The following PTPRU variants were observed in gnomAD, a reference collection of about 807,000 sequenced individuals.
PTPRU encodes the protein receptor-type tyrosine-protein phosphatase U.
PTPRU carries 69 observed loss-of-function variants against 166.3 expected under a neutral mutation model. That is an observed-to-expected ratio of 0.41 (90% confidence interval 0.34 to 0.51). The LOEUF is 0.51. Ranked by LOEUF, PTPRU falls within the 20% of genes least tolerant of loss-of-function variation. The pLI is 0.09. For missense variants in PTPRU, 1,657 were observed against 2,013.7 expected (o/e 0.82, Z 3.39); for synonymous variants, 793 against 814.0 (o/e 0.97, Z 0.44).
chr1:29,292,485 A>T (rs547538202), intron 15 of PTPRU, among the ~76,000 whole-genome samples: 3 of 152,284 alleles, frequency 2.0e-5, no homozygotes, highest in African/African-American at 7.2e-5. Flanking sequence ...GGGAATGCAG[A>T]TTGCCTCTGC....
Position 29,238,645 on chromosome 1 carries a change from C to G in PTPRU, c.73+1928C>G, listed in dbSNP as rs1683898945. Among the ~76,000 whole-genome samples the G allele has an allele frequency of 1.3e-5, 2 of 152,238 alleles. No homozygotes were observed. The highest frequency in any genetic ancestry group is 2.9e-5 in the Non-Finnish European group (2 of 68,042). ...AGGGCACAGCTTTAGCTTTGACCTC[C>G]CCGTTCCCGAAAGGACGCCCAAGGC... On this transcript the variant is annotated intron_variant, in intron 1 of 29. Transcript: ENST00000373779. The surrounding 1 kb of genome is among the most constrained non-coding windows in gnomAD (Gnocchi z 6.1).
chr1:29,302,197 CAAAA>C (rs1415780764), intron 15 of PTPRU, among the ~76,000 whole-genome samples: 1 of 141,240 alleles, frequency 7.1e-6, no homozygotes, highest in Admixed American at 7.0e-5. Flanking sequence ...TAGTTTTTAA[CAAAA>C]AAAATTTAAA....
At chr1:29,290,304 A>G (rs1557454608) in intron 14 of PTPRU, among the ~76,000 whole-genome samples, 1 of 152,192 alleles carries the variant, frequency 6.6e-6, no homozygotes, top group African/African-American at 2.4e-5. Flanking sequence ...CAGAGTCCTC[A>G]CAACAGCTCT....
At chr1:29,274,394 A>G (rs1006052303) in intron 7 of PTPRU, among the ~76,000 whole-genome samples, 174 of 152,314 alleles carry the variant, frequency 1.1e-3, no homozygotes, top group African/African-American at 4.0e-3. Flanking sequence ...AAAACCCCCA[A>G]TACATGTTAA....
intron 14 of PTPRU, among the ~76,000 whole-genome samples, chr1:29,288,398 G>C (rs964249549): frequency 6.6e-6 from 1 of 152,214 alleles, no homozygotes; most frequent in African/African-American, 2.4e-5. Flanking sequence ...GGGGCAAAGA[G>C]AATACAAGAG....
chr1:29,323,658 C>T lies in PTPRU; in HGVS notation c.3982C>T (p.His1328Tyr). The change falls in exon 28 of 30, where the codon CAC becomes TAC. Residue 1328 changes from histidine to tyrosine, a missense_variant. This residue lies in a region of PTPRU where 1,190 missense variants were observed against 1,477.4 expected (regional missense o/e 0.81). Transcript: ENST00000373779. ...GCAGGAGGGGCACCTGCTGGTGCGG[C>T]ACTTCCAGTTCCTGCGCTGGTCTGC... ...RLQEGHLLVR[H>Y]FQFLRWSAYR... 6.2e-7 allele frequency: 1 copy of T among 1,614,094 alleles called. No individual in the cohort carries two copies. The highest frequency in any genetic ancestry group is 8.5e-7 in the Non-Finnish European group (1 of 1,179,964).
At chr1:29,305,552 A>G (rs1687353849) in intron 18 of PTPRU, 124 bp downstream of exon 18, 1 of 982,374 alleles carries the variant, frequency 1.0e-6, no homozygotes, top group African/African-American at 1.6e-5. Flanking sequence ...GAGTGCCCCT[A>G]TCTCTGCAGT....
rs1686650178 is a variant in PTPRU at position 29,291,863 on chromosome 1, C to T, written c.2319-6C>T. On this transcript the variant is annotated splice_region_variant and splice_polypyrimidine_tract_variant and intron_variant, in intron 14 of 29. Transcript: ENST00000373779. This position sits in a 1 kb window ranked among gnomAD's most constrained non-coding sequence, Gnocchi z 4.1. ...GCCTGTGTCTCCCCTCAACCCCCCT[C>T]TCCAGGAAGCCGGTGAACATGACCA... 3 of 1,613,644 alleles carry T rather than the reference C, an allele frequency of 1.9e-6. No individual in the cohort carries two copies. Among genetic ancestry groups the T allele is most frequent in the African/African-American group, 1.3e-5 (1 of 75,058 alleles).
At chr1:29,299,299 C>T (rs1687034250) in intron 15 of PTPRU, among the ~76,000 whole-genome samples, 1 of 152,134 alleles carries the variant, frequency 6.6e-6, no homozygotes, top group Non-Finnish European at 1.5e-5. Flanking sequence ...TAGGAAGAGC[C>T]TGGGAGAGTC....
intron 24 of PTPRU, among the ~76,000 whole-genome samples, chr1:29,316,476 A>AAT (rs1687906580): frequency 6.6e-6 from 1 of 152,126 alleles, no homozygotes; most frequent in Non-Finnish European, 1.5e-5. Context: ...AGAAGTAGTT[A>AAT]ATATGTCCCT....
Position 29,320,954 on chromosome 1 carries a change from C to T in PTPRU, c.3828+129C>T, listed in dbSNP as rs1688130872. On this transcript the variant is annotated intron_variant, in intron 26 of 29. Transcript: ENST00000373779. This position sits in a 1 kb window ranked among gnomAD's most constrained non-coding sequence, Gnocchi z 5.2. ...TCTATTTATTGTGTGATGAATCATA[C>T]ACCTTCCCAGAGCCTCAGTTTCTTC... The T allele has an allele frequency of 1.9e-6, 2 of 1,079,752 alleles. No homozygotes were observed. Among genetic ancestry groups the T allele is most frequent in the East Asian group, 2.9e-5 (1 of 34,408 alleles). The allele number at this position is 1,079,752 out of a possible 1,614,324, so 66.9% of individuals were successfully genotyped here.
chr1:29,266,634 T>C (rs1265613801), intron 7 of PTPRU, among the ~76,000 whole-genome samples: 1 of 152,198 alleles, frequency 6.6e-6, no homozygotes, highest in Non-Finnish European at 1.5e-5. Context: ...TTTTACAACA[T>C]GGGAATAATA....
intron 15 of PTPRU, among the ~76,000 whole-genome samples, chr1:29,299,405 G>A (rs762871206): frequency 6.6e-6 from 1 of 152,210 alleles, no homozygotes; most frequent in African/African-American, 2.4e-5. Flanking sequence ...GTCCCACAGG[G>A]GAACTCATAG....
In PTPRU at chr1:29,311,578, G is replaced by A; in HGVS notation, c.2955+25G>A. The A allele has an allele frequency of 6.2e-7, 1 of 1,614,162 alleles. No homozygotes were observed. Among genetic ancestry groups the A allele is most frequent in the Non-Finnish European group, 8.5e-7 (1 of 1,179,992 alleles). Reference sequence around the variant, plus strand: ...GGTAAGCCGGGCTGTGGGGCGAGCTGGGGCGCATGGCAGGCCAAGGGGGCA... The same window carrying A: ...GGTAAGCCGGGCTGTGGGGCGAGCTAGGGCGCATGGCAGGCCAAGGGGGCA... On this transcript the variant is annotated intron_variant, in intron 20 of 29. Coordinates refer to ENST00000373779, the MANE Select transcript of PTPRU (RefSeq NM_133178.4). The surrounding 1 kb of genome is among the most constrained non-coding windows in gnomAD (Gnocchi z 4.1).
At chr1:29,303,329 C>T (rs990642438) in intron 15 of PTPRU, among the ~76,000 whole-genome samples, 11 of 152,208 alleles carry the variant, frequency 7.2e-5, no homozygotes, top group Non-Finnish European at 1.2e-4. Context: ...GCTGCGGCCC[C>T]GCACAGGCTG....
intron 26 of PTPRU, among the ~76,000 whole-genome samples, chr1:29,321,226 A>C (rs1351153008): frequency 7.2e-6 from 1 of 139,736 alleles, no homozygotes; most frequent in South Asian, 2.3e-4. Context: ...TTTTCAGTAG[A>C]GACAAGGTCT....
intron 7 of PTPRU, among the ~76,000 whole-genome samples, chr1:29,262,858 T>A (rs1360832818): frequency 6.6e-6 from 1 of 152,224 alleles, no homozygotes; most frequent in African/African-American, 2.4e-5. Context: ...CGCACACCTC[T>A]AGCCCTAGGC....
chr1:29,248,747 A>G (rs2151941071), intron 1 of PTPRU, among the ~76,000 whole-genome samples: 1 of 152,156 alleles, frequency 6.6e-6, no homozygotes, highest in South Asian at 2.1e-4. Context: ...CACAACTCCC[A>G]TCTACCTTAC....
rs1217699892 is a variant in PTPRU at position 29,237,787 on chromosome 1, G to T, written c.73+1070G>T. 1.4e-5 allele frequency among the ~76,000 whole-genome samples: 2 copies of T among 147,202 alleles called. No individual in the cohort carries two copies. Among genetic ancestry groups the T allele is most frequent in the African/African-American group, 4.9e-5 (2 of 40,900 alleles). Reference sequence around the variant, plus strand: ...GGCTGCGGGGCGCCCGGGCCAGCGGGCCCCAGCGAGGGGCCGGCGGGCGGG... The same window carrying T: ...GGCTGCGGGGCGCCCGGGCCAGCGGTCCCCAGCGAGGGGCCGGCGGGCGGG... On this transcript the variant is annotated intron_variant, in intron 1 of 29. Transcript: ENST00000373779. The surrounding 1 kb of genome is among the most constrained non-coding windows in gnomAD (Gnocchi z 6.4).
Sources: gnomAD v4.1 joint callset for allele counts (sites outside exome capture counted in the v4.1 genomes callset) on GRCh38, gnomAD v4.1.1 for gene constraint, gnomAD v4.1.1 regional missense constraint, Gnocchi (gnomAD v3.1) non-coding constraint, MANE v1.5 for transcripts, NCBI Gene and HGNC (gene_info 2026-07-23, HGNC 2026-07-21) for gene names.